The following CLK3 variants were observed in gnomAD, a reference collection of about 807,000 sequenced individuals.
The protein encoded by CLK3 is dual specificity protein kinase CLK3.
CLK3 carries 24 observed loss-of-function variants against 65.2 expected under a neutral mutation model. The ratio of observed to expected loss-of-function variants is 0.37; its 90% CI spans 0.27 to 0.52. The LOEUF is 0.52. Among genes scored for constraint, CLK3 ranks in the 20% least tolerant of loss-of-function variants. The pLI is 0.92. For missense variants in CLK3, 506 were observed against 660.0 expected, an observed-to-expected ratio of 0.77 and a Z score of 2.56; for synonymous variants, 252 against 240.8, an observed-to-expected ratio of 1.05 and a Z score of -0.43.
chr15:74,608,709 A>G (rs571937529), intron 1 of CLK3: 4 of 152,330 alleles, frequency 2.6e-5, no homozygotes, highest in Admixed American at 2.0e-4. Flanking sequence ...CACCCCATAA[A>G]AGAGCCAGAA....
intron 10 of CLK3, 115 bp downstream of exon 10, chr15:74,628,167 C>G (rs2062158824): frequency 4.0e-6 from 3 of 742,950 alleles, no homozygotes; most frequent in South Asian, 3.0e-5. Flanking sequence ...CCTCCTCCCA[C>G]TAATCATCAT....
chr15:74,619,368 G>C lies in CLK3; in HGVS notation c.152+20G>C, dbSNP rs962370392. On this transcript the variant is annotated intron_variant, in intron 2 of 12. Transcript: ENST00000395066. ...CAGAAGGTGAGAGGGAACTAGATAG[G>C]AGGGAAAGACTCCTTCTGTCAGCTG... 2.8e-5 allele frequency: 45 copies of C among 1,613,098 alleles called. No homozygotes were observed. The highest frequency in any genetic ancestry group is 1.3e-4 in the Admixed American group (8 of 59,970).
In CLK3 at chr15:74,627,080, G is replaced by A. The variant is rs1023694378; in HGVS notation, c.818-272G>A. On this transcript the variant is annotated intron_variant, in intron 7 of 12. Coordinates refer to ENST00000395066, the MANE Select transcript of CLK3 (RefSeq NM_001130028.2). This position sits in a 1 kb window ranked among gnomAD's most constrained non-coding sequence, Gnocchi z 4.3. ...GCTGAGAGACAGGTGAGGAGGCCTG[G>A]TCTCTGCAGAGGAGAGGTGGAGGGA... The A allele has an allele frequency of 3.1e-5, 17 of 547,620 alleles. No homozygotes were observed. The highest frequency in any genetic ancestry group is 2.4e-5 in the Non-Finnish European group (7 of 286,468). 33.9% of individuals were successfully genotyped at this position (547,620 alleles called of 1,614,324 possible). A position where few individuals can be genotyped will look rare whatever the true frequency, so the allele number is the denominator to read the frequency against.
rs1041743624 is a variant in CLK3, at chr15:74,619,240, A to G, written c.44A>G (p.Tyr15Cys). 6.2e-7 allele frequency: 1 copy of G among 1,614,128 alleles called. No individual in the cohort carries two copies. Among genetic ancestry groups the G allele is most frequent in the Non-Finnish European group, 8.5e-7 (1 of 1,180,012 alleles). The change falls in exon 2 of 13, where the codon TAC becomes TGC. Residue 15 changes from tyrosine (Y) to cysteine (C), a missense_variant. Transcript: ENST00000395066. The part of the protein sequence containing the change: ...KRYRSPEPDP[Y>C]LSYRWKRRRS... The stretch of plus-strand genomic sequence containing the variant: ...TACCGCTCCCCTGAACCAGACCCGT[A>G]CCTGAGCTACCGATGGAAGAGGAGG...
Position 74,622,450 on chromosome 15 carries a change from C to T in CLK3, c.467-44C>T, listed in dbSNP as rs1305625145. 1 of 1,469,762 alleles carries T rather than the reference C, an allele frequency of 6.8e-7. No homozygotes were observed. 91.0% of individuals were successfully genotyped at this position (1,469,762 alleles called of 1,614,324 possible). On this transcript the variant is annotated intron_variant, in intron 4 of 12. Transcript: ENST00000395066. The surrounding 1 kb of genome is among the most constrained non-coding windows in gnomAD (Gnocchi z 4.6). ...TGTGAACTTGCAGGAGCTGCCAACC[C>T]CCTGCCCTCCAGATTCTCATGCCCA...
chr15:74,622,655 A>ACTTTTTT lies in CLK3; in HGVS notation c.533+102_533+108dup. 1 of 990,650 alleles carries ACTTTTTT rather than the reference A, an allele frequency of 1.0e-6. No individual in the cohort carries two copies. Among genetic ancestry groups the ACTTTTTT allele is most frequent in the South Asian group, 1.8e-5 (1 of 55,764 alleles). The allele number at this position is 990,650 out of a possible 1,614,324, so 61.4% of individuals were successfully genotyped here. A position where few individuals can be genotyped will look rare whatever the true frequency, so the allele number is the denominator to read the frequency against. On this transcript the variant is annotated intron_variant, in intron 5 of 12. Coordinates refer to ENST00000395066, the MANE Select transcript of CLK3 (RefSeq NM_001130028.2). The surrounding 1 kb of genome is among the most constrained non-coding windows in gnomAD (Gnocchi z 4.6). The stretch of plus-strand genomic sequence containing the variant: ...TGAGGGTGGCAGCTATCAGAGCTTA[A>ACTTTTTT]CTTTTTTCTTTTTGAAGGGTGGCAT...
Position 74,627,429 on chromosome 15 carries a change from C to G in CLK3, c.895C>G (p.Leu299Val), listed in dbSNP as rs1398535271. 3.1e-6 allele frequency: 5 copies of G among 1,614,062 alleles called. No homozygotes were observed. The East Asian group carries it at 1.1e-4, about 36-fold the overall frequency. Residue 299 changes from leucine (L) to valine (V), a missense_variant, in exon 8 of 13, where the codon CTC becomes GTC. Physicochemically the swap from Leu to Val is conservative, Grantham distance 32. This residue lies in a region of CLK3 where 325 missense variants were observed against 500.5 expected (regional missense o/e 0.65). Coordinates refer to ENST00000395066, the MANE Select transcript of CLK3 (RefSeq NM_001130028.2). The surrounding 1 kb of genome is among the most constrained non-coding windows in gnomAD (Gnocchi z 4.3). ...GTTTGTGAATTCTGAGTTTGAAACC[C>G]TCTACAATGAGCACAAGGTATTGGT... ...ILFVNSEFET[L>V]YNEHKSCEEK...
At chr15:74,626,524 T>C (rs1378405534) in intron 7 of CLK3, among the ~76,000 whole-genome samples, 1 of 152,228 alleles carries the variant, frequency 6.6e-6, no homozygotes. Context: ...CCCTGAGCAC[T>C]GCTACTGTGA....
At chr15:74,629,215 CCCTTAGCCCTACCCCTTCCCCATAG>C (rs2062172003) in intron 12 of CLK3, 183 bp downstream of exon 12, 1 of 700,566 alleles carries the variant, frequency 1.4e-6, no homozygotes, top group South Asian at 1.5e-5. Flanking sequence ...CCCAGAGGGG[CCCTTAGCCCTACCCCTTCCCCATAG>C]GGTGGCTATG....
At chr15:74,615,529 C>T, upstream of CLK3, 1 of 1,290,838 alleles carries the variant, frequency 7.7e-7, no homozygotes, top group Non-Finnish European at 9.8e-7. Flanking sequence ...GGCCCAGCCC[C>T]ACGGCCAGGT....
At position 74,628,968 on chromosome 15, in the gene CLK3, GC is replaced by G. The variant is rs752326796; in HGVS notation, c.1234del (p.Leu412Ter). ...TRKQKYFYKG[G>X]LVWDENSSDG... ...AAGCAGAAATATTTCTACAAAGGGGGCCTAGTTTGGGATGAGAACAGCTCTG... is the reference window on the plus strand; with the variant it reads ...AAGCAGAAATATTTCTACAAAGGGGGCTAGTTTGGGATGAGAACAGCTCTG... On this transcript the variant is annotated frameshift_variant, in exon 12 of 13. Transcript: ENST00000395066. LOFTEE classifies it high-confidence loss of function. 1 of 1,613,774 alleles carries G rather than the reference GC, an allele frequency of 6.2e-7. No homozygotes were observed. The highest frequency in any genetic ancestry group is 8.5e-7 in the Non-Finnish European group (1 of 1,179,678).
upstream of CLK3, among the ~76,000 whole-genome samples, chr15:74,614,625 A>AGC (rs1357910407): frequency 2.0e-5 from 3 of 152,198 alleles, no homozygotes; most frequent in African/African-American, 4.8e-5. Flanking sequence ...TTTCAGGGAG[A>AGC]GCCGCTGGCG....
In CLK3 at chr15:74,627,899, G is replaced by T. The variant is rs1245209890; in HGVS notation, c.1043-71G>T. The T allele has an allele frequency of 7.6e-7, 1 of 1,317,468 alleles. No homozygotes were observed. Among genetic ancestry groups the T allele is most frequent in the East Asian group, 2.3e-5 (1 of 43,404 alleles). The allele number at this position is 1,317,468 out of a possible 1,614,324, so 81.6% of individuals were successfully genotyped here. A position where few individuals can be genotyped will look rare whatever the true frequency, so the allele number is the denominator to read the frequency against. ...CAAGAGTCCTGCCAGCCGGTGTGGT[G>T]GCTGCCTTGTGACTTCCAGGCTGGA... On this transcript the variant is annotated intron_variant, in intron 9 of 12. Transcript: ENST00000395066. This position sits in a 1 kb window ranked among gnomAD's most constrained non-coding sequence, Gnocchi z 4.3.
chr15:74,623,045 G>A (rs2043058702), intron 5 of CLK3, among the ~76,000 whole-genome samples: 1 of 152,204 alleles, frequency 6.6e-6, no homozygotes, highest in South Asian at 2.1e-4. Context: ...TCACCAAGCA[G>A]GCTGCTGCCT....
intron 1 of CLK3, among the ~76,000 whole-genome samples, chr15:74,618,072 C>T (rs1165025119): frequency 2.0e-5 from 3 of 152,210 alleles, no homozygotes; most frequent in African/African-American, 7.2e-5. Context: ...TGCTGCTTTT[C>T]TCCTGACAGA....
In CLK3 at chr15:74,628,993, T is replaced by C. The variant is rs2062168262; in HGVS notation, c.1257T>C (p.Ser419=). 1 of 1,614,012 alleles carries C rather than the reference T, an allele frequency of 6.2e-7. No individual in the cohort carries two copies. Among genetic ancestry groups the C allele is most frequent in the Admixed American group, 1.7e-5 (1 of 60,012 alleles). The change falls in exon 12 of 13, where the codon TCT becomes TCC. Residue 419 remains serine, a synonymous_variant. Transcript: ENST00000395066. The stretch of plus-strand genomic sequence containing the variant: ...GCCTAGTTTGGGATGAGAACAGCTC[T>C]GACGGCCGGTATGTGAAGGAGAACT... ...KGGLVWDENS[S]DGRYVKENCK...
Position 74,628,974 on chromosome 15 carries a change from T to C in CLK3, c.1238T>C (p.Val413Ala). ...KQKYFYKGGL[V>A]WDENSSDGRY... ...AAATATTTCTACAAAGGGGGCCTAG[T>C]TTGGGATGAGAACAGCTCTGACGGC... Residue 413 changes from valine to alanine, a missense_variant, in exon 12 of 13, where the codon GTT (valine) becomes GCT (alanine). Physicochemically the swap from Val to Ala is moderately conservative, Grantham distance 64. Around this residue, in one of 2 missense-constraint regions of CLK3, gnomAD observed 325 missense variants for 500.5 expected, o/e 0.65. Transcript: ENST00000395066. The C allele has an allele frequency of 6.2e-7, 1 of 1,613,986 alleles. No homozygotes were observed. Among genetic ancestry groups the C allele is most frequent in the East Asian group, 2.2e-5 (1 of 44,876 alleles).
At chr15:74,620,899 A>G (rs2062096610) in intron 3 of CLK3, 1 of 153,118 alleles carries the variant, frequency 6.5e-6, no homozygotes, top group African/African-American at 2.4e-5. Flanking sequence ...GGCCTCGTCC[A>G]GTTGCAGGCC....
intron 1 of CLK3, among the ~76,000 whole-genome samples, chr15:74,609,894 G>C (rs542874191): frequency 1.3e-5 from 2 of 152,356 alleles, no homozygotes; most frequent in South Asian, 4.1e-4. Context: ...TTATGACTCT[G>C]AACAAGCTCT....
Sources: allele counts gnomAD v4.1 joint callset (sites outside exome capture counted in the v4.1 genomes callset), GRCh38; gene constraint gnomAD v4.1.1; regional missense constraint gnomAD v4.1.1; non-coding constraint Gnocchi (gnomAD v3.1); transcripts MANE v1.5; gene names NCBI Gene and HGNC (gene_info 2026-07-23, HGNC 2026-07-21).